GKAP1: variants seen among roughly 807,000 people sequenced by gnomAD.
GKAP1 encodes the protein G kinase-anchoring protein 1.
A neutral mutation model predicts 56.7 loss-of-function variants in GKAP1; 31 were observed. That is an observed-to-expected ratio of 0.55 (90% confidence interval 0.41 to 0.74). The LOEUF (loss-of-function observed/expected upper bound fraction) is 0.74. Ranked by LOEUF, GKAP1 falls within the 30% of genes least tolerant of loss-of-function variation. The pLI is 0.00. For synonymous variants in GKAP1, 151 were observed against 138.6 expected (o/e 1.09, Z -0.63); for missense variants, 364 against 402.3 (o/e 0.90, Z 0.82).
At position 83,774,148 on chromosome 9, in the gene GKAP1, G is replaced by C. The variant is rs540705259; in HGVS notation, c.586-5178C>G. ...GGCCTCCCAAAGTGCTGGGATTACA[G>C]GCGTGAGCCACTGTGCCTGGTCTAT... On this transcript the variant is annotated intron_variant, in intron 7 of 12. Transcript: ENST00000376371. Among the ~76,000 whole-genome samples, 140 of 152,046 alleles carry C rather than the reference G, an allele frequency of 9.2e-4. 1 individual carries two copies. The highest frequency in any genetic ancestry group is 3.2e-3 in the African/African-American group (134 of 41,514).
intron 4 of GKAP1, 120 bp from the exon 5 acceptor site, chr9:83,788,798 T>G: frequency 1.8e-6 from 1 of 540,698 alleles, no homozygotes; most frequent in South Asian, 3.2e-5. Flanking sequence ...ACAATATGGA[T>G]TCTCCAAAGT....
intron 9 of GKAP1, among the ~76,000 whole-genome samples, chr9:83,752,976 T>A (rs1564190301): frequency 6.6e-6 from 1 of 151,698 alleles, no homozygotes; most frequent in Non-Finnish European, 1.5e-5. Flanking sequence ...GGCAGGAGAA[T>A]CGCTTGAACC....
chr9:83,809,381 C>T (rs2131326766), intron 2 of GKAP1, among the ~76,000 whole-genome samples: 1 of 152,342 alleles, frequency 6.6e-6, no homozygotes, highest in African/African-American at 2.4e-5. Context: ...GTGGGTAGCT[C>T]CTGCACATGC....
chr9:83,806,010 G>C (rs1166588414), intron 3 of GKAP1, among the ~76,000 whole-genome samples: 3 of 152,112 alleles, frequency 2.0e-5, no homozygotes, highest in Non-Finnish European at 4.4e-5. Context: ...CCAGCTACTT[G>C]GGAGGCTAAG....
chr9:83,771,724 T>C (rs1034109562), intron 7 of GKAP1, among the ~76,000 whole-genome samples: 5 of 152,310 alleles, frequency 3.3e-5, no homozygotes, highest in Non-Finnish European at 5.9e-5. Context: ...TACTGCTTCA[T>C]AAAATAGTTC....
At chr9:83,771,361 G>T (rs1036004663) in intron 7 of GKAP1, among the ~76,000 whole-genome samples, 8 of 152,128 alleles carry the variant, frequency 5.3e-5, no homozygotes, top group Admixed American at 2.6e-4. Context: ...AGGATTATAG[G>T]TGTGAGCCAC....
intron 7 of GKAP1, among the ~76,000 whole-genome samples, chr9:83,779,482 TAC>T (rs1434900966): frequency 1.1e-4 from 11 of 100,196 alleles, no homozygotes; most frequent in South Asian, 3.1e-4. Flanking sequence ...TACATATACA[TAC>T]ATATATACAC....
At position 83,739,533 on chromosome 9, in the gene GKAP1, C is replaced by T. The variant is rs2131217984; in HGVS notation, c.*164G>A. ...GGAATTCTCTATTTCTTCTTTTTCA[C>T]TTTAAGCCAAAAGAAATAAAATTAT... On this transcript the variant is annotated 3_prime_UTR_variant, in exon 13 of 13. Coordinates refer to ENST00000376371, the MANE Select transcript of GKAP1 (RefSeq NM_025211.4). 1 of 445,090 alleles carries T rather than the reference C, an allele frequency of 2.2e-6. No individual in the cohort carries two copies. The highest frequency in any genetic ancestry group is 3.8e-5 in the Admixed American group (1 of 26,094). The allele number at this position is 445,090 out of a possible 1,614,324, so 27.6% of individuals were successfully genotyped here.
At chr9:83,768,036 T>G (rs964191474) in intron 8 of GKAP1, among the ~76,000 whole-genome samples, 19 of 152,162 alleles carry the variant, frequency 1.2e-4, no homozygotes, top group African/African-American at 4.1e-4. Flanking sequence ...CATTCTTAGC[T>G]TACAGTCCTT....
intron 3 of GKAP1, among the ~76,000 whole-genome samples, chr9:83,799,718 G>A (rs1380326587): frequency 1.3e-5 from 2 of 152,154 alleles, no homozygotes; most frequent in Non-Finnish European, 2.9e-5. Context: ...CATTGGAAGG[G>A]TGAAGCAGGT....
Position 83,739,614 on chromosome 9 carries a change from G to C in GKAP1, c.*83C>G. 9.9e-7 allele frequency: 1 copy of C among 1,005,852 alleles called. No homozygotes were observed. Among genetic ancestry groups the C allele is most frequent in the Non-Finnish European group, 1.5e-6 (1 of 675,642 alleles). The allele number at this position is 1,005,852 out of a possible 1,614,324, so 62.3% of individuals were successfully genotyped here. A position where few individuals can be genotyped will look rare whatever the true frequency, so the allele number is the denominator to read the frequency against. ...CCTTCAAGAAAAACTGCATAGTTTA[G>C]CAGTTGCACAGCATTAAATATATAC... is the stretch of plus-strand genomic sequence containing the variant. On this transcript the variant is annotated 3_prime_UTR_variant, in exon 13 of 13. Coordinates refer to ENST00000376371, the MANE Select transcript of GKAP1 (RefSeq NM_025211.4).
intron 12 of GKAP1, among the ~76,000 whole-genome samples, chr9:83,740,824 CTTTG>C (rs1943193664): frequency 6.6e-6 from 1 of 152,080 alleles, no homozygotes; most frequent in Non-Finnish European, 1.5e-5. Flanking sequence ...GGCAGTTTCT[CTTTG>C]TTTCTTTCAT....
At chr9:83,785,852 C>T (rs1944054915) in intron 5 of GKAP1, among the ~76,000 whole-genome samples, 1 of 152,158 alleles carries the variant, frequency 6.6e-6, no homozygotes, top group African/African-American at 2.4e-5. Flanking sequence ...ATGTATAAAA[C>T]CCAATCTCCT....
chr9:83,741,233 G>A (rs1003231345), intron 12 of GKAP1, among the ~76,000 whole-genome samples: 4 of 151,920 alleles, frequency 2.6e-5, no homozygotes, highest in African/African-American at 9.7e-5. Flanking sequence ...TTAAAGCCAC[G>A]GCTAATCAAC....
chr9:83,775,315 G>A lies in GKAP1; in HGVS notation c.585+5067C>T, dbSNP rs189249273. Among the ~76,000 whole-genome samples, 28 of 152,130 alleles carry A rather than the reference G, an allele frequency of 1.8e-4. 1 individual carries two copies. Among genetic ancestry groups the A allele is most frequent in the Admixed American group, 7.2e-4 (11 of 15,276 alleles). On this transcript the variant is annotated intron_variant, in intron 7 of 12. Transcript: ENST00000376371. Reference sequence around the variant, plus strand: ...AGCCACCATGCCTGGCTCTGGGCTCGTCTTGTATATTCCCTGTCATCGCCC... The same window carrying A: ...AGCCACCATGCCTGGCTCTGGGCTCATCTTGTATATTCCCTGTCATCGCCC...
At chr9:83,751,555 T>G (rs949124557) in intron 9 of GKAP1, among the ~76,000 whole-genome samples, 3 of 152,096 alleles carry the variant, frequency 2.0e-5, no homozygotes, top group Non-Finnish European at 4.4e-5. Context: ...TTAGTAGGGA[T>G]GATTCTTAAA....
intron 2 of GKAP1, among the ~76,000 whole-genome samples, chr9:83,812,412 A>T (rs997053921): frequency 3.3e-5 from 5 of 150,234 alleles, no homozygotes; most frequent in Non-Finnish European, 7.4e-5. Flanking sequence ...CAGTGGTGTG[A>T]TCACGGCTCA....
chr9:83,747,663 T>C (rs1344640955), intron 10 of GKAP1, among the ~76,000 whole-genome samples: 1 of 151,130 alleles, frequency 6.6e-6, no homozygotes, highest in Non-Finnish European at 1.5e-5. Flanking sequence ...TTTGAGACAG[T>C]CTTGCTCTGT....
rs568993818 is a variant in GKAP1, at chr9:83,780,069, G to C, written c.585+313C>G. On this transcript the variant is annotated intron_variant, in intron 7 of 12. Coordinates refer to ENST00000376371, the MANE Select transcript of GKAP1 (RefSeq NM_025211.4). ...ATAAAGATTAAAATATAGAGTGAGA[G>C]ATTAAACCACTTTTCTCTGAGATTT... Among the ~76,000 whole-genome samples the C allele has an allele frequency of 9.9e-5, 15 of 152,156 alleles. No homozygotes were observed. The South Asian group carries it at 3.1e-3, about 32-fold the overall frequency.
Sources: allele counts gnomAD v4.1 joint callset (sites outside exome capture counted in the v4.1 genomes callset), GRCh38; gene constraint gnomAD v4.1.1; transcripts MANE v1.5; gene names NCBI Gene and HGNC (gene_info 2026-07-23, HGNC 2026-07-21).